NMNAT1: variants seen among roughly 807,000 people sequenced by gnomAD.
The protein encoded by NMNAT1 is nicotinamide nucleotide adenylyltransferase 1.
A neutral mutation model predicts 16.7 loss-of-function variants in NMNAT1; 11 were observed. The ratio of observed to expected loss-of-function variants is 0.66; its 90% CI spans 0.41 to 1.09. The LOEUF (loss-of-function observed/expected upper bound fraction) is 1.09. Ranked by LOEUF, NMNAT1 falls within the 50% of genes least tolerant of loss-of-function variation. NMNAT1 has a pLI of 0.00. For missense variants in NMNAT1, 280 were observed against 332.3 expected, an observed-to-expected ratio of 0.84 and a Z score of 1.22; for synonymous variants, 110 against 119.8, an observed-to-expected ratio of 0.92 and a Z score of 0.53.
chr1:9,959,930 G>A (rs1641364078), intron 1 of NMNAT1, among the ~76,000 whole-genome samples: 1 of 152,100 alleles, frequency 6.6e-6, no homozygotes, highest in Non-Finnish European at 1.5e-5. Context: ...GTTGGAACAA[G>A]AACATAGCTA....
intron 2 of NMNAT1, among the ~76,000 whole-genome samples, chr1:9,975,131 T>C (rs1002634619): frequency 6.6e-6 from 1 of 152,164 alleles, no homozygotes; most frequent in Non-Finnish European, 1.5e-5. Context: ...CGCTTGGGTA[T>C]ATTTTACCAT....
chr1:9,982,800 T>C lies in NMNAT1; in HGVS notation c.*99T>C. The C allele has an allele frequency of 7.8e-7, 1 of 1,284,410 alleles. No homozygotes were observed. Among genetic ancestry groups the C allele is most frequent in the East Asian group, 2.4e-5 (1 of 41,204 alleles). The allele number at this position is 1,284,410 out of a possible 1,614,324, so 79.6% of individuals were successfully genotyped here. A position where few individuals can be genotyped will look rare whatever the true frequency, so the allele number is the denominator to read the frequency against. On this transcript the variant is annotated 3_prime_UTR_variant, in exon 5 of 5. Coordinates refer to ENST00000377205, the MANE Select transcript of NMNAT1 (RefSeq NM_022787.4). ...AGAAGTTGTGATCTGTTGCCTAAAC[T>C]AAAGCTTAAAAGTTTAGTAAAAATC...
chr1:9,948,068 C>G (rs1446027201), intron 1 of NMNAT1, among the ~76,000 whole-genome samples: 6 of 152,072 alleles, frequency 3.9e-5, no homozygotes. Flanking sequence ...ATTTCTAATT[C>G]CTAACTTAGT....
At chr1:9,992,935 A>G in the NMNAT1 span, among the ~76,000 whole-genome samples, 4 of 152,058 alleles carry the variant, frequency 2.6e-5, no homozygotes, top group South Asian at 8.3e-4. Flanking sequence ...AAGAAAAGAA[A>G]AGACTGTACC....
chr1:9,996,194 C>T, the NMNAT1 span, among the ~76,000 whole-genome samples: 1 of 151,522 alleles, frequency 6.6e-6, no homozygotes, highest in East Asian at 1.9e-4. Context: ...GCCTGTAGTC[C>T]CAGCTACTCG....
At chr1:9,943,562 C>G (rs908625390) in intron 1 of NMNAT1, 47 bp downstream of exon 1, 2 of 152,322 alleles carry the variant, frequency 1.3e-5, no homozygotes, top group Non-Finnish European at 2.9e-5. Flanking sequence ...GCTTTTTGTC[C>G]TAGATATAGG....
intron 1 of NMNAT1, among the ~76,000 whole-genome samples, chr1:9,964,772 AC>A (rs1465327990): frequency 6.7e-6 from 1 of 150,042 alleles, no homozygotes; most frequent in Non-Finnish European, 1.5e-5. Context: ...ACACGGTGAA[AC>A]CCCATCTCTA....
chr1:9,971,224 C>T (rs1201012320), intron 1 of NMNAT1, among the ~76,000 whole-genome samples: 1 of 152,194 alleles, frequency 6.6e-6, no homozygotes, highest in Non-Finnish European at 1.5e-5. Flanking sequence ...AAGTCACTTC[C>T]ATCTCTTCAT....
intron 1 of NMNAT1, among the ~76,000 whole-genome samples, chr1:9,951,773 C>A (rs113549786): frequency 3.9e-5 from 6 of 152,242 alleles, no homozygotes; most frequent in Admixed American, 2.0e-4. Context: ...CTGTGCCCGG[C>A]CTGTTTCACT....
intron 1 of NMNAT1, among the ~76,000 whole-genome samples, chr1:9,968,623 T>C (rs1181726305): frequency 1.9e-5 from 1 of 53,244 alleles, no homozygotes; most frequent in Non-Finnish European, 6.1e-5. Flanking sequence ...AAAAAATAAT[T>C]AGCCAGGAGT....
At chr1:9,945,470 G>C (rs1640958335) in intron 1 of NMNAT1, among the ~76,000 whole-genome samples, 1 of 152,162 alleles carries the variant, frequency 6.6e-6, no homozygotes, top group African/African-American at 2.4e-5. Flanking sequence ...GGAAGCCGAG[G>C]TGGGCGGATC....
chr1:9,974,491 C>A (rs1255915860), intron 2 of NMNAT1, among the ~76,000 whole-genome samples: 1 of 151,746 alleles, frequency 6.6e-6, no homozygotes, highest in Non-Finnish European at 1.5e-5. Context: ...CAGGCTCACA[C>A]CATTCTCCTG....
At chr1:9,949,845 T>A (rs923416817) in intron 1 of NMNAT1, 1 of 152,130 alleles carries the variant, frequency 6.6e-6, no homozygotes, top group African/African-American at 2.4e-5. Context: ...CCTTTGTTCA[T>A]TACTAAGATT....
intron 1 of NMNAT1, 92 bp from the exon 2 acceptor site, chr1:9,971,926 C>T (rs1641697961): frequency 1.6e-6 from 1 of 611,846 alleles, no homozygotes; most frequent in Admixed American, 2.7e-5. Context: ...GCTGTGGTTG[C>T]ATCACTACAC....
intron 1 of NMNAT1, among the ~76,000 whole-genome samples, chr1:9,954,952 T>C (rs555608062): frequency 1.3e-5 from 2 of 150,290 alleles, no homozygotes; most frequent in Admixed American, 1.3e-4. Flanking sequence ...AAGGAATTTA[T>C]GTTTAACTTA....
At chr1:9,951,709 A>C (rs578165260) in intron 1 of NMNAT1, among the ~76,000 whole-genome samples, 74 of 152,308 alleles carry the variant, frequency 4.9e-4, no homozygotes, top group African/African-American at 1.7e-3. Context: ...TCCTGGGCTC[A>C]ATCGATCTGC....
At chr1:9,974,841 TA>T (rs2101699798) in intron 2 of NMNAT1, among the ~76,000 whole-genome samples, 1 of 152,250 alleles carries the variant, frequency 6.6e-6, no homozygotes, top group African/African-American at 2.4e-5. Context: ...TTTTGTTACA[TA>T]AATGATCATA....
intron 3 of NMNAT1, among the ~76,000 whole-genome samples, chr1:9,976,228 A>G (rs890719537): frequency 4.0e-5 from 6 of 151,104 alleles, no homozygotes; most frequent in African/African-American, 1.5e-4. Flanking sequence ...TGGAGGTTAC[A>G]GTGAGCCAAG....
At chr1:9,965,222 C>T (rs376612708) in intron 1 of NMNAT1, among the ~76,000 whole-genome samples, 1 of 143,566 alleles carries the variant, frequency 7.0e-6, no homozygotes, top group East Asian at 2.1e-4. Context: ...GAGGCTGAGG[C>T]AGGAGAATCG....
Sources: allele counts gnomAD v4.1 joint callset (sites outside exome capture counted in the v4.1 genomes callset), GRCh38; gene constraint gnomAD v4.1.1; transcripts MANE v1.5; gene names NCBI Gene and HGNC (gene_info 2026-07-23, HGNC 2026-07-21).